SLC24A3: variants seen among roughly 807,000 people sequenced by gnomAD.
The protein encoded by SLC24A3 is sodium/potassium/calcium exchanger 3.
In SLC24A3, 28 loss-of-function variants were observed where a neutral mutation model predicts 75.8. That is an observed-to-expected ratio of 0.37 (90% CI 0.27 to 0.51). SLC24A3 has a LOEUF of 0.51. Among genes scored for constraint, SLC24A3 ranks in the 20% least tolerant of loss-of-function variants. SLC24A3 has a pLI of 0.94. For synonymous variants in SLC24A3, 372 were observed against 334.1 expected (o/e 1.11, Z -1.24); for missense variants, 663 against 847.8 (o/e 0.78, Z 2.71).
chr20:19,475,994 T>C (rs1172807579), intron 2 of SLC24A3, among the ~76,000 whole-genome samples: 1 of 152,138 alleles, frequency 6.6e-6, no homozygotes, highest in African/African-American at 2.4e-5. Context: ...CTTGGCCAAA[T>C]CAGACAGAAG....
At chr20:19,259,004 A>G (rs1220860843) in intron 1 of SLC24A3, among the ~76,000 whole-genome samples, 16 of 152,208 alleles carry the variant, frequency 1.1e-4, no homozygotes, top group Admixed American at 1.0e-3. Flanking sequence ...GCCTTGTTTC[A>G]CAATTAAATT....
At chr20:19,388,048 G>A (rs879693436) in intron 2 of SLC24A3, among the ~76,000 whole-genome samples, 15 of 152,086 alleles carry the variant, frequency 9.9e-5, no homozygotes, top group Non-Finnish European at 2.1e-4. Flanking sequence ...ATCTCATCAT[G>A]GAGAATGGGG....
chr20:19,320,934 T>C (rs1984692543), intron 2 of SLC24A3, among the ~76,000 whole-genome samples: 1 of 152,114 alleles, frequency 6.6e-6, no homozygotes, highest in Admixed American at 6.5e-5. Flanking sequence ...GTATACAGAA[T>C]GTGTGTACAT....
chr20:19,551,532 G>A (rs2030693729), intron 3 of SLC24A3, among the ~76,000 whole-genome samples: 2 of 152,148 alleles, frequency 1.3e-5, no homozygotes, highest in Non-Finnish European at 2.9e-5. Context: ...TGTCTTCATG[G>A]TGAGTGTAGA....
At chr20:19,429,461 G>A (rs1488302539) in intron 2 of SLC24A3, among the ~76,000 whole-genome samples, 2 of 152,226 alleles carry the variant, frequency 1.3e-5, no homozygotes, top group Non-Finnish European at 2.9e-5. Context: ...GTGAGTAAAT[G>A]CAGAGGTAAT....
chr20:19,576,633 T>C (rs559088696), intron 3 of SLC24A3, among the ~76,000 whole-genome samples: 3 of 152,290 alleles, frequency 2.0e-5, no homozygotes, highest in East Asian at 3.9e-4. Context: ...CAGCTTTTGA[T>C]AGTCATTACC....
intron 5 of SLC24A3, 140 bp from the exon 6 acceptor site, chr20:19,585,301 A>G (rs1285220203): frequency 6.0e-6 from 5 of 832,162 alleles, no homozygotes; most frequent in Non-Finnish European, 9.7e-6. Flanking sequence ...ATCCCTCTGT[A>G]GATTAGAAAG....
chr20:19,650,562 C>T (rs560433031), intron 6 of SLC24A3, among the ~76,000 whole-genome samples: 180 of 152,282 alleles, frequency 1.2e-3, no homozygotes, highest in African/African-American at 4.0e-3. Context: ...TAGATGACAG[C>T]TACTTGATTT....
At chr20:19,262,360 G>A (rs796344103) in intron 1 of SLC24A3, among the ~76,000 whole-genome samples, 1,827 of 143,406 alleles carry the variant, frequency 0.013, 28 homozygotes, top group African/African-American at 0.039. Context: ...AGCCGAGATC[G>A]CGCCACTGCA....
chr20:19,467,646 C>A (rs1003301319), intron 2 of SLC24A3, among the ~76,000 whole-genome samples: 2 of 152,000 alleles, frequency 1.3e-5, no homozygotes, highest in African/African-American at 4.8e-5. Context: ...TTTGAGAGCC[C>A]GAGGAGTGTG....
At chr20:19,516,370 C>A (rs548346913) in intron 3 of SLC24A3, among the ~76,000 whole-genome samples, 22 of 152,238 alleles carry the variant, frequency 1.4e-4, no homozygotes, top group Non-Finnish European at 3.1e-4. Context: ...ATCTCTGTGG[C>A]ATTCCCTCCC....
intron 15 of SLC24A3, among the ~76,000 whole-genome samples, chr20:19,717,191 G>A (rs770504956): frequency 2.6e-5 from 4 of 152,330 alleles, no homozygotes; most frequent in African/African-American, 9.6e-5. Flanking sequence ...AAAGGAACAC[G>A]TGGACAGGGA....
chr20:19,594,985 G>A (rs1600295260), intron 6 of SLC24A3, among the ~76,000 whole-genome samples: 1 of 152,300 alleles, frequency 6.6e-6, no homozygotes, highest in East Asian at 1.9e-4. Context: ...TGTAGACTCT[G>A]ATTTGGTGCA....
At chr20:19,231,127 G>A (rs544737777) in intron 1 of SLC24A3, among the ~76,000 whole-genome samples, 1 of 152,126 alleles carries the variant, frequency 6.6e-6, no homozygotes, top group African/African-American at 2.4e-5. Context: ...TAAAAAACAG[G>A]TAGACAGGGC....
chr20:19,262,248 C>CAA (rs372221539), intron 1 of SLC24A3, among the ~76,000 whole-genome samples: 1 of 150,626 alleles, frequency 6.6e-6, no homozygotes, highest in Non-Finnish European at 1.5e-5. Flanking sequence ...CTAAAAAACA[C>CAA]AAAAAAATTA....
At chr20:19,599,121 G>T (rs1169916822) in intron 6 of SLC24A3, among the ~76,000 whole-genome samples, 1 of 152,136 alleles carries the variant, frequency 6.6e-6, no homozygotes, top group African/African-American at 2.4e-5. Flanking sequence ...ATAGAGCCCA[G>T]AGAGGGAGGT....
At chr20:19,492,956 G>A (rs2122532494) in intron 2 of SLC24A3, among the ~76,000 whole-genome samples, 1 of 151,788 alleles carries the variant, frequency 6.6e-6, no homozygotes, top group South Asian at 2.1e-4. Context: ...GGATTTAGAA[G>A]CAGTTCAGAG....
chr20:19,655,364 CAT>C (rs1167609210), intron 7 of SLC24A3, among the ~76,000 whole-genome samples: 1 of 152,140 alleles, frequency 6.6e-6, no homozygotes, highest in Non-Finnish European at 1.5e-5. Flanking sequence ...GGGAAAAACT[CAT>C]ACTCTTTAGT....
chr20:19,227,802 T>G (rs1981910369), intron 1 of SLC24A3, among the ~76,000 whole-genome samples: 1 of 152,178 alleles, frequency 6.6e-6, no homozygotes, highest in African/African-American at 2.4e-5. Context: ...TCAAGACACC[T>G]TTCCTGTTTT....
Sources: gnomAD v4.1 joint callset for allele counts (sites outside exome capture counted in the v4.1 genomes callset) on GRCh38, gnomAD v4.1.1 for gene constraint, MANE v1.5 for transcripts, NCBI Gene and HGNC (gene_info 2026-07-23, HGNC 2026-07-21) for gene names.